TNRC6C: variants seen among roughly 807,000 people sequenced by gnomAD.
The protein encoded by TNRC6C is trinucleotide repeat containing adaptor 6C, also known as trinucleotide repeat-containing gene 6C protein.
Under a neutral mutation model 153.7 loss-of-function variants are expected in TNRC6C, and 20 were observed. The observed-to-expected ratio is 0.13, with a 90% CI of 0.09 to 0.19. TNRC6C has a LOEUF of 0.19. Among genes scored for constraint, TNRC6C ranks in the 10% least tolerant of loss-of-function variants. The pLI is 1.00. For missense variants in TNRC6C, 1,987 were observed against 2,172.0 expected (o/e 0.91, Z 1.69); for synonymous variants, 811 against 841.4 (o/e 0.96, Z 0.63).
chr17:77,997,304 C>A (rs1277976685), intron 1 of TNRC6C, among the ~76,000 whole-genome samples: 1 of 152,148 alleles, frequency 6.6e-6, no homozygotes, highest in Non-Finnish European at 1.5e-5. Context: ...TACCTGAGAC[C>A]AGCTGATTTT....
At chr17:77,961,120 C>G (rs2070858386) in intron 1 of TNRC6C, among the ~76,000 whole-genome samples, 1 of 151,224 alleles carries the variant, frequency 6.6e-6, no homozygotes, top group Non-Finnish European at 1.5e-5. Context: ...TGCTTCTTGT[C>G]CAAAACAAAG....
rs1360254616 is a variant in TNRC6C, at chr17:78,075,700, AGTT to A, written c.3060+424_3060+426del. ...CACCCATCTCTGGCTGGCCCTTGTC[AGTT>A]GGCCACATGAGTGACCACAGCTGGC... On this transcript the variant is annotated intron_variant, in intron 8 of 19. Transcript: ENST00000301624. The surrounding 1 kb of genome is among the most constrained non-coding windows in gnomAD (Gnocchi z 4.2). 6.6e-6 allele frequency among the ~76,000 whole-genome samples: 1 copy of A among 152,200 alleles called. No homozygotes were observed. Among genetic ancestry groups the A allele is most frequent in the Non-Finnish European group, 1.5e-5 (1 of 68,028 alleles).
At chr17:78,090,947 A>G (rs183039121) in intron 13 of TNRC6C, among the ~76,000 whole-genome samples, 1 of 152,314 alleles carries the variant, frequency 6.6e-6, no homozygotes, top group East Asian at 1.9e-4. Context: ...AGTTTCCGTA[A>G]GATATCCCAA....
At chr17:78,064,801 C>T in exon 4 of TNRC6C, 3 of 1,613,900 alleles carry the variant, frequency 1.9e-6, no homozygotes, top group East Asian at 2.2e-5. Context: ...CCCCTTCTAC[C>T]CTGGTGGATA....
chr17:78,102,240 T>C (rs1416837789), intron 17 of TNRC6C, among the ~76,000 whole-genome samples: 1 of 152,102 alleles, frequency 6.6e-6, no homozygotes, highest in African/African-American at 2.4e-5. Flanking sequence ...CCCGGGCTGG[T>C]GGGAAGATCC....
At chr17:78,086,412 T>C in intron 11 of TNRC6C, 91 bp from the exon 14 acceptor site, 1 of 1,218,986 alleles carries the variant, frequency 8.2e-7, no homozygotes, top group South Asian at 1.4e-5. Flanking sequence ...GGTTCTCTTT[T>C]TTTATTTTTT....
At chr17:78,098,381 C>G in exon 17 of TNRC6C, 1 of 1,613,764 alleles carries the variant, frequency 6.2e-7, no homozygotes, top group Non-Finnish European at 8.5e-7. Context: ...GTCCTCTGGC[C>G]CTACCTCCCA....
rs535181864 is a variant in TNRC6C, at chr17:78,040,105, A to G, written c.-219+8263A>G. On this transcript the variant is annotated intron_variant, in intron 2 of 19. Coordinates refer to ENST00000301624, the Ensembl canonical transcript of TNRC6C. ...GCAAATGAAACATTGGCCTTCTCATAAAATAATACAGGGGAAACTAGATTT... is the reference window on the plus strand; with the variant it reads ...GCAAATGAAACATTGGCCTTCTCATGAAATAATACAGGGGAAACTAGATTT... 4.6e-5 allele frequency among the ~76,000 whole-genome samples: 7 copies of G among 152,344 alleles called. No homozygotes were observed. In the South Asian group the frequency reaches 1.2e-3, roughly 27 times the overall value.
At chr17:78,057,252 C>A (rs977725548) in intron 3 of TNRC6C, among the ~76,000 whole-genome samples, 5 of 152,148 alleles carry the variant, frequency 3.3e-5, no homozygotes, top group Non-Finnish European at 7.3e-5. Flanking sequence ...GAGTATTATT[C>A]CTGCCCTGTA....
At chr17:78,107,256 G>GT (rs954690828) in exon 20 of TNRC6C, 1 of 151,978 alleles carries the variant, frequency 6.6e-6, no homozygotes. Flanking sequence ...GGTTTGAGGG[G>GT]TTTTTTGTTT....
intron 5 of TNRC6C, among the ~76,000 whole-genome samples, chr17:78,069,439 G>A (rs2072947500): frequency 6.6e-6 from 1 of 152,154 alleles, no homozygotes; most frequent in South Asian, 2.1e-4. Context: ...GAGTCTTGCT[G>A]TGTCACCTTA....
rs1433688291 is a variant in TNRC6C, at chr17:78,104,572, A to G, written c.4800A>G (p.Pro1600=). 9 of 1,552,726 alleles carry G rather than the reference A, an allele frequency of 5.8e-6. No individual in the cohort carries two copies. Among genetic ancestry groups the G allele is most frequent in the Non-Finnish European group, 7.8e-6 (9 of 1,148,002 alleles). The change falls in exon 20 of 20, where the codon CCA becomes CCG. Residue 1600 remains proline (P), a synonymous_variant. Transcript: ENST00000301624. The surrounding 1 kb of genome is among the most constrained non-coding windows in gnomAD (Gnocchi z 6.2). The stretch of plus-strand genomic sequence containing the variant: ...TCTTAGCCCAAGGCCAGGCGCTGCC[A>G]CCCACTTCCAGCTGGCAGTCCAGCA...
At chr17:78,012,092 A>G (rs964639925) in intron 1 of TNRC6C, 2 of 152,176 alleles carry the variant, frequency 1.3e-5, no homozygotes, top group Non-Finnish European at 2.9e-5. Flanking sequence ...TTGCCCTTCT[A>G]TGTGTGTAGT....
chr17:78,011,275 A>G (rs2071624613), intron 1 of TNRC6C, among the ~76,000 whole-genome samples: 1 of 152,240 alleles, frequency 6.6e-6, no homozygotes, highest in African/African-American at 2.4e-5. Context: ...CATCACCATG[A>G]TCAAGATGAC....
At chr17:78,086,254 C>T (rs1246619297) in intron 11 of TNRC6C, among the ~76,000 whole-genome samples, 3 of 145,048 alleles carry the variant, frequency 2.1e-5, no homozygotes, top group African/African-American at 7.7e-5. Flanking sequence ...TGCTTGAACC[C>T]GGGAGGCAGA....
Position 78,075,055 on chromosome 17 carries a change from T to G in TNRC6C, c.2918-81T>G. 46 of 1,534,508 alleles carry G rather than the reference T, an allele frequency of 3.0e-5. No homozygotes were observed. The highest frequency in any genetic ancestry group is 3.8e-5 in the Non-Finnish European group (43 of 1,131,396). On this transcript the variant is annotated intron_variant, in intron 7 of 19. Coordinates refer to ENST00000301624, the Ensembl canonical transcript of TNRC6C. This position sits in a 1 kb window ranked among gnomAD's most constrained non-coding sequence, Gnocchi z 4.2. ...GGGGTGGAGGGTCTCCATCCCTCCT[T>G]GAGGCCTTAGCTGGTGCCTATCTTG...
In TNRC6C at chr17:78,087,017, A is replaced by C. The variant is rs142959456; in HGVS notation, c.3726A>C (p.Pro1242=). 3.1e-4 allele frequency: 495 copies of C among 1,613,106 alleles called. No homozygotes were observed. In the African/African-American group the frequency reaches 5.9e-3, roughly 19 times the overall value. ...CCATGGACAGCTTCCCCTCGCACCC[A>C]CAGACTCCCGGCCTACCTGACCTGC... The change falls in exon 13 of 20, where the codon CCA becomes CCC. Residue 1242 remains proline, a synonymous_variant. Transcript: ENST00000301624.
chr17:78,024,641 A>G (rs1229588391), intron 1 of TNRC6C, among the ~76,000 whole-genome samples: 1 of 152,082 alleles, frequency 6.6e-6, no homozygotes, highest in Non-Finnish European at 1.5e-5. Flanking sequence ...CTGGGATTAC[A>G]GGCGTGAGCC....
At chr17:78,051,409 G>A in exon 3 of TNRC6C, 1 of 1,547,992 alleles carries the variant, frequency 6.5e-7, no homozygotes, top group Non-Finnish European at 8.7e-7. Flanking sequence ...CCCGCACCAG[G>A]CCGGTACTCA....
Sources: allele counts gnomAD v4.1 joint callset (sites outside exome capture counted in the v4.1 genomes callset), GRCh38; gene constraint gnomAD v4.1.1; non-coding constraint Gnocchi (gnomAD v3.1); transcripts MANE v1.5; gene names NCBI Gene and HGNC (gene_info 2026-07-23, HGNC 2026-07-21).